Variants in CRYBG1 observed in about 807,000 individuals in gnomAD.
CRYBG1 encodes crystallin beta-gamma domain containing 1.
Under a neutral mutation model 189.2 loss-of-function variants are expected in CRYBG1, and 139 were observed. The observed-to-expected ratio is 0.73, with a 90% CI of 0.64 to 0.85. The LOEUF (loss-of-function observed/expected upper bound fraction) is 0.85. Ranked by LOEUF, CRYBG1 falls within the 40% of genes least tolerant of loss-of-function variation. The pLI is 0.00. For synonymous variants in CRYBG1, 1,023 were observed against 1,017.1 expected (o/e 1.01, Z -0.11); for missense variants, 2,611 against 2,675.8 (o/e 0.98, Z 0.53).
At chr6:106,547,203 CA>C (rs57987455) in intron 13 of CRYBG1, among the ~76,000 whole-genome samples, 92,587 of 147,062 alleles carry the variant, frequency 0.63, 30,409 homozygotes, top group South Asian at 0.76. Context: ...CACACACACA[CA>C]CACACACACC....
At chr6:106,497,859 G>T (rs1286400162) in intron 2 of CRYBG1, among the ~76,000 whole-genome samples, 4 of 152,244 alleles carry the variant, frequency 2.6e-5, no homozygotes, top group Non-Finnish European at 5.9e-5. Context: ...GGGAGGCCGA[G>T]GTGGGCAGAT....
intron 1 of CRYBG1, among the ~76,000 whole-genome samples, chr6:106,411,222 G>T (rs900144393): frequency 1.3e-5 from 2 of 152,136 alleles, no homozygotes; most frequent in East Asian, 1.9e-4. Flanking sequence ...AAGCTGCTGG[G>T]TTTCTAGAGG....
intron 1 of CRYBG1, among the ~76,000 whole-genome samples, chr6:106,403,060 G>A (rs1177075527): frequency 1.3e-5 from 2 of 152,208 alleles, no homozygotes; most frequent in Non-Finnish European, 2.9e-5. Context: ...TTTTGGCTGG[G>A]TGCAGTGGCT....
chr6:106,524,044 T>G (rs968473459), intron 4 of CRYBG1, among the ~76,000 whole-genome samples: 31 of 152,278 alleles, frequency 2.0e-4, no homozygotes, highest in African/African-American at 7.2e-4. Context: ...TTTGTGGTCT[T>G]CTGGGCATAT....
chr6:106,486,119 T>C (rs1451026832), intron 2 of CRYBG1, among the ~76,000 whole-genome samples: 1 of 152,214 alleles, frequency 6.6e-6, no homozygotes, highest in Non-Finnish European at 1.5e-5. Flanking sequence ...CTTTTAGAAC[T>C]GCTTTCGTTG....
intron 1 of CRYBG1, among the ~76,000 whole-genome samples, chr6:106,393,857 C>G (rs1446597010): frequency 2.0e-5 from 3 of 151,888 alleles, no homozygotes; most frequent in Non-Finnish European, 2.9e-5. Context: ...ATTTTTAGTA[C>G]AGATGGGGTT....
In CRYBG1 at chr6:106,519,505, G is replaced by A. The variant is rs778014215; in HGVS notation, c.2297G>A (p.Gly766Glu). ...SEEEILPATR[G>E]MNGDSSENQA... Reference sequence around the variant, plus strand: ...GAAGAGATTCTGCCAGCAACCAGAGGAATGAATGGAGACTCTTCTGAGAAT... The same window carrying A: ...GAAGAGATTCTGCCAGCAACCAGAGAAATGAATGGAGACTCTTCTGAGAAT... Residue 766 changes from glycine (G) to glutamate (E), a missense_variant, in exon 4 of 22, where the codon GGA becomes GAA. Coordinates refer to ENST00000633556, the MANE Select transcript of CRYBG1 (RefSeq NM_001371242.2). The A allele has an allele frequency of 6.2e-7, 1 of 1,614,120 alleles. No homozygotes were observed. Among genetic ancestry groups the A allele is most frequent in the South Asian group, 1.1e-5 (1 of 91,078 alleles).
intron 1 of CRYBG1, among the ~76,000 whole-genome samples, chr6:106,420,211 C>T (rs1002384632): frequency 6.6e-6 from 1 of 152,120 alleles, no homozygotes; most frequent in Non-Finnish European, 1.5e-5. Flanking sequence ...TATAAGCATA[C>T]AGGAGCATTG....
chr6:106,556,039 C>T, intron 17 of CRYBG1, 142 bp downstream of exon 17: 1 of 943,814 alleles, frequency 1.1e-6, no homozygotes, highest in Non-Finnish European at 1.6e-6. Context: ...GCTCTGTGTA[C>T]ATCTAGTTTA....
At chr6:106,543,319 C>G in intron 10 of CRYBG1, 121 bp from the exon 11 acceptor site, 1 of 1,004,310 alleles carries the variant, frequency 1.0e-6, no homozygotes, top group Non-Finnish European at 1.5e-6. Flanking sequence ...CGTGAGCCAC[C>G]GCGCCCAGTC....
At chr6:106,499,309 C>T (rs1308376469) in intron 2 of CRYBG1, among the ~76,000 whole-genome samples, 4 of 146,684 alleles carry the variant, frequency 2.7e-5, no homozygotes, top group Non-Finnish European at 6.0e-5. Flanking sequence ...CCGGCCACCA[C>T]ACCCGGCTAA....
At chr6:106,468,714 G>A (rs1772162760) in intron 2 of CRYBG1, among the ~76,000 whole-genome samples, 2 of 152,092 alleles carry the variant, frequency 1.3e-5, no homozygotes, top group Admixed American at 6.5e-5. Flanking sequence ...AAATTTAAAA[G>A]TGGCATATTT....
At chr6:106,412,892 G>A (rs1029055758) in intron 1 of CRYBG1, among the ~76,000 whole-genome samples, 1 of 149,540 alleles carries the variant, frequency 6.7e-6, no homozygotes, top group Non-Finnish European at 1.5e-5. Flanking sequence ...ATTGAACATT[G>A]GACATGGTTA....
intron 2 of CRYBG1, among the ~76,000 whole-genome samples, chr6:106,477,800 T>C (rs1159582901): frequency 6.6e-6 from 1 of 152,246 alleles, no homozygotes; most frequent in Non-Finnish European, 1.5e-5. Context: ...TTTCTCAGTC[T>C]GAGAAGGAAC....
At chr6:106,478,981 A>G (rs1772389731) in intron 2 of CRYBG1, among the ~76,000 whole-genome samples, 1 of 152,220 alleles carries the variant, frequency 6.6e-6, no homozygotes. Flanking sequence ...GAGTGGAATT[A>G]TACAATGTGT....
intron 8 of CRYBG1, among the ~76,000 whole-genome samples, chr6:106,534,972 C>T (rs1459577505): frequency 1.3e-5 from 2 of 152,274 alleles, no homozygotes; most frequent in East Asian, 3.9e-4. Flanking sequence ...CTAGGGTTAG[C>T]TGTTAGCAGA....
intron 1 of CRYBG1, among the ~76,000 whole-genome samples, chr6:106,372,110 A>G (rs1000251247): frequency 2.6e-5 from 4 of 152,228 alleles, no homozygotes; most frequent in South Asian, 2.1e-4. Context: ...ATTGGCTACA[A>G]TTCCACTAAC....
chr6:106,433,508 A>G (rs1470569521), intron 1 of CRYBG1, among the ~76,000 whole-genome samples: 1 of 151,888 alleles, frequency 6.6e-6, no homozygotes, highest in Non-Finnish European at 1.5e-5. Flanking sequence ...TTCTTTGACT[A>G]GTGTCGCTAT....
Position 106,527,386 on chromosome 6 carries a change from G to A in CRYBG1, c.4494G>A (p.Trp1498Ter), listed in dbSNP as rs775844549. The A allele has an allele frequency of 3.7e-6, 6 of 1,613,792 alleles. No homozygotes were observed. The East Asian group carries it at 1.3e-4, about 36-fold the overall frequency. ...EEGELELSGL[W>*]GIEDILERHE... ...GAGAATTGGAACTCTCTGGTCTCTG[G>A]GGTATAGAAGACATTTTGGAAAGGC... Residue 1498 changes from tryptophan to a stop codon, truncating the protein, a stop_gained, in exon 7 of 22, where the codon TGG becomes TGA. Transcript: ENST00000633556. LOFTEE classifies it high-confidence loss of function.
Sources: gnomAD v4.1 joint callset for allele counts (sites outside exome capture counted in the v4.1 genomes callset) on GRCh38, gnomAD v4.1.1 for gene constraint, MANE v1.5 for transcripts, NCBI Gene and HGNC (gene_info 2026-07-23, HGNC 2026-07-21) for gene names.